Variants in GPC6 observed in about 807,000 individuals in gnomAD.
GPC6 encodes the protein glypican 6.
Under a neutral mutation model 55.2 loss-of-function variants are expected in GPC6, and 14 were observed. The observed-to-expected ratio is 0.25, with a 90% CI of 0.17 to 0.40. The LOEUF (loss-of-function observed/expected upper bound fraction) is 0.40. Ranked by LOEUF, GPC6 falls within the 10% of genes least tolerant of loss-of-function variation. The probability of loss-of-function intolerance (pLI) is 1.00; values close to 1 mark genes in which losing one functional copy is unlikely to be tolerated. For synonymous variants in GPC6, 278 were observed against 259.6 expected, an observed-to-expected ratio of 1.07 and a Z score of -0.68; for missense variants, 641 against 708.5, an observed-to-expected ratio of 0.90 and a Z score of 1.08.
At chr13:93,938,966 G>A (rs1200692368) in intron 3 of GPC6, among the ~76,000 whole-genome samples, 2 of 152,132 alleles carry the variant, frequency 1.3e-5, no homozygotes, top group Non-Finnish European at 2.9e-5. Flanking sequence ...GCTGTGCGTG[G>A]TGACACGTGC....
chr13:93,868,098 C>A (rs1487737683), intron 3 of GPC6, among the ~76,000 whole-genome samples: 1 of 151,766 alleles, frequency 6.6e-6, no homozygotes, highest in Non-Finnish European at 1.5e-5. Context: ...TGTTTCCACA[C>A]TTGAGGGAGA....
Position 93,658,091 on chromosome 13 carries a change from A to C in GPC6, c.319+112670A>C, listed in dbSNP as rs1307479916. ...AATAAATGTTGGCAAGAAAAAATAC[A>C]TTTTAAGTGTAACATTTGATGAGTT... On this transcript the variant is annotated intron_variant, in intron 2 of 8. Transcript: ENST00000377047. Among the ~76,000 whole-genome samples, 4 of 152,016 alleles carry C rather than the reference A, an allele frequency of 2.6e-5. No homozygotes were observed. The East Asian group carries it at 7.7e-4, about 29-fold the overall frequency.
At chr13:93,976,168 A>G (rs1225773909) in intron 3 of GPC6, among the ~76,000 whole-genome samples, 2 of 152,098 alleles carry the variant, frequency 1.3e-5, no homozygotes, top group Admixed American at 6.5e-5. Context: ...TATTCTTTCT[A>G]TGTCTCCTCT....
At chr13:94,128,789 C>T (rs1459423806) in intron 4 of GPC6, among the ~76,000 whole-genome samples, 2 of 152,144 alleles carry the variant, frequency 1.3e-5, no homozygotes, top group African/African-American at 4.8e-5. Context: ...CATTTGCCAT[C>T]ACCCCTTATG....
intron 5 of GPC6, among the ~76,000 whole-genome samples, chr13:94,301,403 A>T (rs938620415): frequency 1.5e-4 from 23 of 152,174 alleles, no homozygotes; most frequent in African/African-American, 4.6e-4. Flanking sequence ...TCTCTAAAAT[A>T]AAATTAAAAG....
chr13:93,435,886 G>A (rs1877553616), intron 1 of GPC6, among the ~76,000 whole-genome samples: 2 of 152,168 alleles, frequency 1.3e-5, no homozygotes, highest in Non-Finnish European at 2.9e-5. Flanking sequence ...GATGGACTCA[G>A]AGTGAGATAT....
chr13:93,467,866 C>T (rs927429209), intron 1 of GPC6, among the ~76,000 whole-genome samples: 10 of 152,014 alleles, frequency 6.6e-5, no homozygotes, highest in Non-Finnish European at 1.2e-4. Flanking sequence ...GTTGAGATTA[C>T]AGGTGTGAGC....
chr13:93,340,279 C>T (rs1459832580), intron 1 of GPC6, among the ~76,000 whole-genome samples: 1 of 151,928 alleles, frequency 6.6e-6, no homozygotes, highest in Non-Finnish European at 1.5e-5. Flanking sequence ...CGTGATCTGC[C>T]CGCCTCGGCC....
intron 3 of GPC6, among the ~76,000 whole-genome samples, chr13:93,947,129 T>C (rs560727470): frequency 5.5e-4 from 84 of 152,302 alleles, no homozygotes; most frequent in African/African-American, 2.0e-3. Context: ...TATGCTTTGA[T>C]TGCAAAAAGG....
At chr13:93,557,435 C>T (rs3848059) in intron 2 of GPC6, among the ~76,000 whole-genome samples, 47,836 of 151,932 alleles carry the variant, frequency 0.31, 8,158 homozygotes, top group African/African-American at 0.36. Flanking sequence ...TACGTAAATT[C>T]TTCCATTAAG....
At chr13:93,599,464 T>A (rs1159062985) in intron 2 of GPC6, among the ~76,000 whole-genome samples, 1 of 152,116 alleles carries the variant, frequency 6.6e-6, no homozygotes, top group East Asian at 1.9e-4. Flanking sequence ...GGAATTGAAG[T>A]CACTACATTC....
chr13:93,407,179 G>C (rs1439124676), intron 1 of GPC6, among the ~76,000 whole-genome samples: 2 of 151,862 alleles, frequency 1.3e-5, no homozygotes, highest in Non-Finnish European at 2.9e-5. Flanking sequence ...TGTTTAGAAG[G>C]AAAAGTCAAG....
At chr13:94,023,806 GA>G (rs1465408001) in intron 3 of GPC6, among the ~76,000 whole-genome samples, 1 of 151,718 alleles carries the variant, frequency 6.6e-6, no homozygotes, top group African/African-American at 2.4e-5. Context: ...AAAAAGAGAT[GA>G]ACTATTAATA....
At position 93,644,734 on chromosome 13, in the gene GPC6, A is replaced by G. The variant is rs1228052433; in HGVS notation, c.319+99313A>G. Among the ~76,000 whole-genome samples, 8 of 151,582 alleles carry G rather than the reference A, an allele frequency of 5.3e-5. No homozygotes were observed. In the Admixed American group the frequency reaches 5.3e-4, roughly 10 times the overall value. ...GACTTAGGTTCTTTTTACTTCCCAT[A>G]TTGTCAACATAGATTACTGTTGCCA... On this transcript the variant is annotated intron_variant, in intron 2 of 8. Coordinates refer to ENST00000377047, the MANE Select transcript of GPC6 (RefSeq NM_005708.5).
At chr13:94,298,910 G>A (rs945308659) in intron 5 of GPC6, among the ~76,000 whole-genome samples, 16 of 152,140 alleles carry the variant, frequency 1.1e-4, no homozygotes, top group South Asian at 4.1e-4. Context: ...TCCTATCATA[G>A]ACACTTGATG....
intron 3 of GPC6, among the ~76,000 whole-genome samples, chr13:93,936,159 A>G (rs1878427269): frequency 1.3e-5 from 2 of 152,204 alleles, no homozygotes. Flanking sequence ...ATATCATTCA[A>G]TGTTGCAATA....
At chr13:93,571,852 G>A (rs1017066068) in intron 2 of GPC6, among the ~76,000 whole-genome samples, 1 of 151,946 alleles carries the variant, frequency 6.6e-6, no homozygotes, top group Non-Finnish European at 1.5e-5. Flanking sequence ...CGAGCACAAT[G>A]GTCCATTTTA....
intron 1 of GPC6, among the ~76,000 whole-genome samples, chr13:93,467,742 G>C (rs1220789434): frequency 2.6e-5 from 4 of 151,718 alleles, no homozygotes; most frequent in Admixed American, 6.6e-5. Context: ...GCACCACCAT[G>C]ACCAGCTTAT....
chr13:94,399,019 C>T (rs931283821), intron 8 of GPC6, among the ~76,000 whole-genome samples: 1 of 152,198 alleles, frequency 6.6e-6, no homozygotes, highest in African/African-American at 2.4e-5. Context: ...AAGAAGAAAG[C>T]TCAGCAGATT....
Sources: allele counts gnomAD v4.1 joint callset (sites outside exome capture counted in the v4.1 genomes callset), GRCh38; gene constraint gnomAD v4.1.1; transcripts MANE v1.5; gene names NCBI Gene and HGNC (gene_info 2026-07-23, HGNC 2026-07-21).